The following TSPAN18 variants were observed in gnomAD, a reference collection of about 807,000 sequenced individuals.
TSPAN18 encodes the protein tetraspanin 18.
TSPAN18 carries 14 observed loss-of-function variants against 27.3 expected under a neutral mutation model. The ratio of observed to expected loss-of-function variants is 0.51; its 90% CI spans 0.34 to 0.80. The LOEUF (loss-of-function observed/expected upper bound fraction) is 0.80. TSPAN18 is among the 30% of genes least tolerant of loss of function. TSPAN18 has a pLI of 0.01. For missense variants in TSPAN18, 268 were observed against 323.9 expected (o/e 0.83, Z 1.32); for synonymous variants, 143 against 136.5 (o/e 1.05, Z -0.33).
intron 2 of TSPAN18, among the ~76,000 whole-genome samples, chr11:44,856,509 C>T (rs1376862716): frequency 6.6e-6 from 1 of 152,128 alleles, no homozygotes; most frequent in Non-Finnish European, 1.5e-5. Flanking sequence ...TGGGGCCTCT[C>T]ACTCCTCTGA....
At chr11:44,892,041 C>T (rs895628381) in intron 3 of TSPAN18, among the ~76,000 whole-genome samples, 1 of 152,180 alleles carries the variant, frequency 6.6e-6, no homozygotes, top group Non-Finnish European at 1.5e-5. Flanking sequence ...GCCACCTGCC[C>T]CCTTGTGCCT....
At chr11:44,857,221 G>A (rs1857761793) in intron 2 of TSPAN18, among the ~76,000 whole-genome samples, 2 of 152,190 alleles carry the variant, frequency 1.3e-5, no homozygotes, top group South Asian at 4.1e-4. Context: ...TTGATCACTG[G>A]GATTAGAACT....
At chr11:44,786,063 AC>A (rs1236159873) in intron 2 of TSPAN18, among the ~76,000 whole-genome samples, 1 of 152,232 alleles carries the variant, frequency 6.6e-6, no homozygotes, top group African/African-American at 2.4e-5. Flanking sequence ...CGAGGGCCCC[AC>A]CCAGCTAGCT....
intron 1 of TSPAN18, among the ~76,000 whole-genome samples, chr11:44,748,362 C>G (rs533631050): frequency 1.4e-4 from 21 of 151,478 alleles, no homozygotes; most frequent in African/African-American, 4.9e-4. Flanking sequence ...TGCACCACTG[C>G]ACTCCAGCCT....
intron 2 of TSPAN18, among the ~76,000 whole-genome samples, chr11:44,807,332 C>T (rs563770883): frequency 6.7e-6 from 1 of 149,910 alleles, no homozygotes; most frequent in Admixed American, 6.6e-5. Flanking sequence ...AGTTCGAGGC[C>T]AGCCTGACTG....
intron 3 of TSPAN18, chr11:44,903,856 A>T: frequency 2.2e-6 from 1 of 456,702 alleles, no homozygotes; most frequent in South Asian, 1.5e-5. Context: ...ACCTCAGACA[A>T]GTCACCTCGC....
chr11:44,918,187 C>T (rs1859984169), intron 6 of TSPAN18, 141 bp downstream of exon 6: 2 of 856,262 alleles, frequency 2.3e-6, no homozygotes, highest in Non-Finnish European at 3.7e-6. Flanking sequence ...AAGTCATGGC[C>T]CCACCCGCCT....
Position 44,909,737 on chromosome 11 carries a change from C to T in TSPAN18, c.96C>T (p.Ile32=). The T allele has an allele frequency of 6.2e-7, 1 of 1,612,908 alleles. No homozygotes were observed. Among genetic ancestry groups the T allele is most frequent in the Non-Finnish European group, 8.5e-7 (1 of 1,179,912 alleles). ...GGGCCTGCCTGCTGGCCATCGGCAT[C>T]TGGGTCATGGTGGACCCCACCGGCT... The part of the protein sequence containing the change: ...LGGACLLAIG[I]WVMVDPTGFR... Residue 32 remains isoleucine (I), a synonymous_variant, in exon 5 of 10, where the codon ATC becomes ATT. Coordinates refer to ENST00000520358, the MANE Select transcript of TSPAN18 (RefSeq NM_130783.5).
At chr11:44,823,863 G>A (rs1353291863) in intron 2 of TSPAN18, among the ~76,000 whole-genome samples, 1 of 152,170 alleles carries the variant, frequency 6.6e-6, no homozygotes, top group Non-Finnish European at 1.5e-5. Context: ...TTTGAGTCGA[G>A]TAGCTGGTGG....
intron 1 of TSPAN18, among the ~76,000 whole-genome samples, chr11:44,750,280 C>T (rs1855181182): frequency 6.6e-6 from 1 of 152,222 alleles, no homozygotes; most frequent in Non-Finnish European, 1.5e-5. Flanking sequence ...TTGACACTTA[C>T]TTAGCAGCTG....
intron 1 of TSPAN18, among the ~76,000 whole-genome samples, chr11:44,751,622 A>G (rs1035002895): frequency 3.9e-5 from 6 of 152,154 alleles, no homozygotes; most frequent in African/African-American, 1.4e-4. Context: ...CTCTGATTAT[A>G]AAAGTCACAT....
At chr11:44,741,973 C>T (rs1213607005) in intron 1 of TSPAN18, among the ~76,000 whole-genome samples, 1 of 152,000 alleles carries the variant, frequency 6.6e-6, no homozygotes, top group Non-Finnish European at 1.5e-5. Context: ...CAGAGTTTTT[C>T]CATATACACA....
At chr11:44,926,055 A>G (rs1860340673) in intron 8 of TSPAN18, among the ~76,000 whole-genome samples, 2 of 152,216 alleles carry the variant, frequency 1.3e-5, no homozygotes, top group South Asian at 4.1e-4. Context: ...AATTAAGTCC[A>G]GGGCCTGTGG....
chr11:44,806,806 C>T lies in TSPAN18; in HGVS notation c.-153+42294C>T, dbSNP rs16938086. On this transcript the variant is annotated intron_variant, in intron 2 of 9. Coordinates refer to ENST00000520358, the MANE Select transcript of TSPAN18 (RefSeq NM_130783.5). ...CAGATCTAAATCAAACATAACTTTT[C>T]GAGCTGGTTCCTTCAACACCTCCAG... 3.8e-3 allele frequency among the ~76,000 whole-genome samples: 575 copies of T among 152,192 alleles called. 6 individuals carry two copies. The highest frequency in any genetic ancestry group is 0.013 in the African/African-American group (551 of 41,524).
chr11:44,730,292 C>T (rs1854620680), intron 1 of TSPAN18, among the ~76,000 whole-genome samples: 1 of 152,216 alleles, frequency 6.6e-6, no homozygotes, highest in Non-Finnish European at 1.5e-5. Flanking sequence ...TCGCTCCCCA[C>T]TCTTCTTGGG....
chr11:44,836,106 G>A (rs766143096), intron 2 of TSPAN18, among the ~76,000 whole-genome samples: 1 of 152,142 alleles, frequency 6.6e-6, no homozygotes, highest in Non-Finnish European at 1.5e-5. Flanking sequence ...AGGAGGAGTC[G>A]CATATCTCTC....
chr11:44,785,954 T>G (rs1856046867), intron 2 of TSPAN18, among the ~76,000 whole-genome samples: 1 of 152,246 alleles, frequency 6.6e-6, no homozygotes, highest in Non-Finnish European at 1.5e-5. Flanking sequence ...CCTGTTTCCC[T>G]TTCTACAAGG....
chr11:44,879,160 G>A lies in TSPAN18; in HGVS notation c.-11+18691G>A, dbSNP rs896113648. 2.0e-5 allele frequency among the ~76,000 whole-genome samples: 3 copies of A among 152,310 alleles called. No individual in the cohort carries two copies. In the East Asian group the frequency reaches 5.8e-4, roughly 29 times the overall value. On this transcript the variant is annotated intron_variant, in intron 3 of 9. Transcript: ENST00000520358. ...GATATAGTTGCTCCCCAGAAATGAT[G>A]TAGCTGGTGCTGCACGTTTCAGCAG...
intron 2 of TSPAN18, among the ~76,000 whole-genome samples, chr11:44,802,210 G>T (rs999695189): frequency 1.3e-5 from 2 of 152,026 alleles, no homozygotes; most frequent in Non-Finnish European, 1.5e-5. Flanking sequence ...GGCAGCCCCT[G>T]GGGGTCTTTG....
Sources: allele counts gnomAD v4.1 joint callset (sites outside exome capture counted in the v4.1 genomes callset), GRCh38; gene constraint gnomAD v4.1.1; transcripts MANE v1.5; gene names NCBI Gene and HGNC (gene_info 2026-07-23, HGNC 2026-07-21).